TWNK: variants seen among roughly 807,000 people sequenced by gnomAD.
TWNK encodes the protein T7 gp4-like protein with intramitochondrial nucleoid localization.
Under a neutral mutation model 58.2 loss-of-function variants are expected in TWNK, and 36 were observed. That is an observed-to-expected ratio of 0.62 (90% confidence interval 0.47 to 0.82). The LOEUF is 0.82. Among genes scored for constraint, TWNK ranks in the 40% least tolerant of loss-of-function variants. The probability of loss-of-function intolerance (pLI) is 0.00; values close to 1 mark genes in which losing one functional copy is unlikely to be tolerated. For synonymous variants in TWNK, 349 were observed against 348.5 expected, an observed-to-expected ratio of 1.00 and a Z score of -0.02; for missense variants, 714 against 881.0, an observed-to-expected ratio of 0.81 and a Z score of 2.40.
rs1420378919 is a variant in TWNK at position 100,988,895 on chromosome 10, G to T, written c.685G>T (p.Asp229Tyr). 1 of 1,614,100 alleles carries T rather than the reference G, an allele frequency of 6.2e-7. No individual in the cohort carries two copies. The highest frequency in any genetic ancestry group is 1.3e-5 in the African/African-American group (1 of 74,932). Residue 229 changes from aspartate to tyrosine, a missense_variant, in exon 1 of 5, where the codon GAT (aspartate) becomes TAT (tyrosine). Around this residue, in one of 3 missense-constraint regions of TWNK, gnomAD observed 348 missense variants for 388.4 expected, o/e 0.90. Coordinates refer to ENST00000311916, the MANE Select transcript of TWNK (RefSeq NM_021830.5). This position sits in a 1 kb window ranked among gnomAD's most constrained non-coding sequence, Gnocchi z 5.2. ...GCTCCTAGAGGCTAAATGCCAGGGG[G>T]ATGGAGTGAGCTACGAGGAAACCAC... ...LKLLEAKCQGDGVSYEETTIP... is the reference protein window; with the variant it reads ...LKLLEAKCQGYGVSYEETTIP...
chr10:100,991,212 G>A (rs1851764078), intron 4 of TWNK: 1 of 701,958 alleles, frequency 1.4e-6, no homozygotes, highest in East Asian at 2.7e-5. Flanking sequence ...TTGTCCCCCA[G>A]GAGCTCACAT....
chr10:100,993,702 G>C lies in TWNK; in HGVS notation c.*192G>C. On this transcript the variant is annotated 3_prime_UTR_variant, in exon 5 of 5. Coordinates refer to ENST00000311916, the MANE Select transcript of TWNK (RefSeq NM_021830.5). ...ACTGAGAAACTACTGTGTTGCTCAG[G>C]CTTTGTTTGAGGTCCTGTATATACA... 1 of 657,796 alleles carries C rather than the reference G, an allele frequency of 1.5e-6. No individual in the cohort carries two copies. The highest frequency in any genetic ancestry group is 1.9e-5 in the South Asian group (1 of 53,670). 40.7% of individuals were successfully genotyped at this position (657,796 alleles called of 1,614,324 possible). A position where few individuals can be genotyped will look rare whatever the true frequency, so the allele number is the denominator to read the frequency against.
rs200335475 is a variant in TWNK at position 100,993,516 on chromosome 10, G to A, written c.*6G>A. ...CCTCCAAGCGTTCAAAGTGAAGGCCGTGCAGAGCTGGTCACTGAAATGAGC... is the reference window on the plus strand; with the variant it reads ...CCTCCAAGCGTTCAAAGTGAAGGCCATGCAGAGCTGGTCACTGAAATGAGC... On this transcript the variant is annotated 3_prime_UTR_variant, in exon 5 of 5. Transcript: ENST00000311916. 40 of 1,613,980 alleles carry A rather than the reference G, an allele frequency of 2.5e-5. No individual in the cohort carries two copies. Among genetic ancestry groups the A allele is most frequent in the Admixed American group, 2.0e-4 (12 of 60,018 alleles).
chr10:100,989,166 AGTT>A lies in TWNK; in HGVS notation c.960_962del (p.Leu320del). On this transcript the variant is annotated inframe_deletion, in exon 1 of 5. Coordinates refer to ENST00000311916, the MANE Select transcript of TWNK (RefSeq NM_021830.5). This position sits in a 1 kb window ranked among gnomAD's most constrained non-coding sequence, Gnocchi z 7.6. ...GACCTTCGGTCCTGGGAAGCCGCCA[AGTT>A]GTTTGCACGAAAACTGAACCCCAAA... 1 of 1,612,760 alleles carries A rather than the reference AGTT, an allele frequency of 6.2e-7. No individual in the cohort carries two copies. Among genetic ancestry groups the A allele is most frequent in the Non-Finnish European group, 8.5e-7 (1 of 1,178,898 alleles).
In TWNK at chr10:100,987,621, G is replaced by T; in HGVS notation, c.-590G>T. ...GTGGGAGAGAGAAAAGTGGTAACCT[G>T]GGGCTGGGGGCCGGCGCGGCGGAGC... On this transcript the variant is annotated 5_prime_UTR_variant, in exon 1 of 5. Coordinates refer to ENST00000311916, the MANE Select transcript of TWNK (RefSeq NM_021830.5). 3 of 902,306 alleles carry T rather than the reference G, an allele frequency of 3.3e-6. No homozygotes were observed. The highest frequency in any genetic ancestry group is 3.3e-6 in the Non-Finnish European group (2 of 613,210). 55.9% of individuals were successfully genotyped at this position (902,306 alleles called of 1,614,324 possible). A position where few individuals can be genotyped will look rare whatever the true frequency, so the allele number is the denominator to read the frequency against.
chr10:100,993,142 T>C (rs1590024699), intron 4 of TWNK, 48 bp from the exon 5 acceptor site: 1 of 1,598,662 alleles, frequency 6.3e-7, no homozygotes, highest in Non-Finnish European at 8.6e-7. Context: ...TCTGCTTTGC[T>C]CATGTCCTCT....
chr10:100,990,121 T>C (rs763609131), intron 2 of TWNK, among the ~76,000 whole-genome samples: 16 of 152,086 alleles, frequency 1.1e-4, no homozygotes, highest in Non-Finnish European at 1.9e-4. Context: ...CTGGGCAATA[T>C]AGGGAGACCA....
At chr10:100,990,406 T>G (rs1434612822) in intron 2 of TWNK, 30 bp from the exon 3 acceptor site, 15 of 1,568,254 alleles carry the variant, frequency 9.6e-6, no homozygotes, top group Non-Finnish European at 1.2e-5. Context: ...AGAGACAACT[T>G]GTCAAATTCC....
chr10:100,988,245 G>T lies in TWNK; in HGVS notation c.35G>T (p.Arg12Leu). Residue 12 changes from arginine to leucine, a missense_variant, in exon 1 of 5, where the codon CGT (arginine) becomes CTT (leucine). Physicochemically the swap from Arg to Leu is moderately radical, Grantham distance 102. Around this residue, in one of 3 missense-constraint regions of TWNK, gnomAD observed 348 missense variants for 388.4 expected, o/e 0.90. Coordinates refer to ENST00000311916, the MANE Select transcript of TWNK (RefSeq NM_021830.5). The surrounding 1 kb of genome is among the most constrained non-coding windows in gnomAD (Gnocchi z 5.2). ...WVLLRSGYPL[R>L]ILLPLRGEWM... is the part of the protein sequence containing the mutation. Reference sequence around the variant, plus strand: ...CTCCTCCGAAGTGGGTACCCCCTCCGTATCTTGTTACCCCTGCGTGGGGAG... The same window carrying T: ...CTCCTCCGAAGTGGGTACCCCCTCCTTATCTTGTTACCCCTGCGTGGGGAG... 1 of 1,614,164 alleles carries T rather than the reference G, an allele frequency of 6.2e-7. No homozygotes were observed. Among genetic ancestry groups the T allele is most frequent in the Non-Finnish European group, 8.5e-7 (1 of 1,180,040 alleles).
chr10:100,992,488 T>C (rs1300743145), intron 4 of TWNK, among the ~76,000 whole-genome samples: 2 of 138,148 alleles, frequency 1.4e-5, no homozygotes, highest in Non-Finnish European at 3.0e-5. Flanking sequence ...GTGCTGGGAT[T>C]ACAGGCGTGA....
chr10:100,988,943 C>T lies in TWNK; in HGVS notation c.733C>T (p.His245Tyr), dbSNP rs1296965467. 3.1e-6 allele frequency: 5 copies of T among 1,614,056 alleles called. No homozygotes were observed. In the Admixed American group the frequency reaches 8.3e-5, roughly 27 times the overall value. Residue 245 changes from histidine (H) to tyrosine (Y), a missense_variant, in exon 1 of 5, where the codon CAC becomes TAC. Physicochemically the swap from His to Tyr is moderately conservative, Grantham distance 83. This residue lies in a region of TWNK where 348 missense variants were observed against 388.4 expected (regional missense o/e 0.90). Transcript: ENST00000311916. This position sits in a 1 kb window ranked among gnomAD's most constrained non-coding sequence, Gnocchi z 5.2. ...CACTATTCCCCGACCCAGCGCCTAC[C>T]ACAATCTGTTTGGATTACCACTGAT... ...ETTIPRPSAYHNLFGLPLISR... is the reference protein window; with the variant it reads ...ETTIPRPSAYYNLFGLPLISR...
chr10:100,990,447 A>G lies in TWNK; in HGVS notation c.1496A>G (p.Asp499Gly), dbSNP rs780448299. The G allele has an allele frequency of 1.9e-6, 3 of 1,613,784 alleles. No individual in the cohort carries two copies. In the South Asian group the frequency reaches 3.3e-5, roughly 18 times the overall value. Reference sequence around the variant, plus strand: ...TTTCCTCTTCCCAGGACTGTAATAGATACAATGCAACATGCAGTCTACGTC... The same window carrying G: ...TTTCCTCTTCCCAGGACTGTAATAGGTACAATGCAACATGCAGTCTACGTC... ...HGQQSIRTVIDTMQHAVYVYD... is the reference protein window; with the variant it reads ...HGQQSIRTVIGTMQHAVYVYD... The change falls in exon 3 of 5, where the codon GAT (aspartate) becomes GGT (glycine). Residue 499 changes from aspartate to glycine, a missense_variant. Transcript: ENST00000311916.
At chr10:100,992,277 G>A (rs1444253282) in intron 4 of TWNK, among the ~76,000 whole-genome samples, 3 of 131,624 alleles carry the variant, frequency 2.3e-5, no homozygotes, top group Non-Finnish European at 4.7e-5. Flanking sequence ...GCAGTGGCGC[G>A]ATCTCGGCTC....
intron 4 of TWNK, among the ~76,000 whole-genome samples, chr10:100,991,702 C>T (rs1851777955): frequency 6.6e-6 from 1 of 151,974 alleles, no homozygotes; most frequent in East Asian, 1.9e-4. Context: ...TGTAGTGAGA[C>T]CCTGTCTCTA....
chr10:100,993,419 G>A lies in TWNK; in HGVS notation c.1964G>A (p.Gly655Asp), dbSNP rs762436636. 2 of 1,614,024 alleles carry A rather than the reference G, an allele frequency of 1.2e-6. No individual in the cohort carries two copies. Among genetic ancestry groups the A allele is most frequent in the African/African-American group, 2.7e-5 (2 of 74,906 alleles). Residue 655 changes from glycine (G) to aspartate (D), a missense_variant, in exon 5 of 5, where the codon GGC (glycine) becomes GAC (aspartate). Gly to Asp is a moderately conservative substitution (Grantham distance 94). Transcript: ENST00000311916. ...TGPVAKKPSS[G>D]KKGATTQNSE... ...CCAGTGGCCAAAAAGCCCTCTTCTGGCAAAAAGGGGGCTACGACACAGAAC... is the reference window on the plus strand; with the variant it reads ...CCAGTGGCCAAAAAGCCCTCTTCTGACAAAAAGGGGGCTACGACACAGAAC...
chr10:100,993,333 C>T lies in TWNK; in HGVS notation c.1878C>T (p.Leu626=). 6.2e-7 allele frequency: 1 copy of T among 1,614,240 alleles called. No individual in the cohort carries two copies. Among genetic ancestry groups the T allele is most frequent in the Non-Finnish European group, 8.5e-7 (1 of 1,180,048 alleles). ...CGCTTGAGTTCAACAAGAACTCCCT[C>T]ACCTTCTCCATTCCACCAAAGAACA... ...VFPLEFNKNS[L]TFSIPPKNKA... is the part of the protein sequence containing the mutation. Residue 626 remains leucine, a synonymous_variant, in exon 5 of 5, where the codon CTC becomes CTT. Coordinates refer to ENST00000311916, the MANE Select transcript of TWNK (RefSeq NM_021830.5).
chr10:100,993,346 C>T lies in TWNK; in HGVS notation c.1891C>T (p.Pro631Ser). The stretch of plus-strand genomic sequence containing the variant: ...CAAGAACTCCCTCACCTTCTCCATT[C>T]CACCAAAGAACAAGGCCCGGCTCAA... ...FNKNSLTFSI[P>S]PKNKARLKKI... Residue 631 changes from proline (P) to serine (S), a missense_variant, in exon 5 of 5, where the codon CCA (proline) becomes TCA (serine). Pro to Ser is a moderately conservative substitution (Grantham distance 74, BLOSUM62 -1). Transcript: ENST00000311916. 2 of 1,614,220 alleles carry T rather than the reference C, an allele frequency of 1.2e-6. No homozygotes were observed. The highest frequency in any genetic ancestry group is 3.3e-5 in the Admixed American group (2 of 60,022).
Position 100,988,294 on chromosome 10 carries a change from C to G in TWNK, c.84C>G (p.Pro28=), listed in dbSNP as rs1215963512. 2 of 1,614,202 alleles carry G rather than the reference C, an allele frequency of 1.2e-6. No individual in the cohort carries two copies. Among genetic ancestry groups the G allele is most frequent in the Admixed American group, 3.3e-5 (2 of 60,032 alleles). ...AGTGGATGGGTCGGAGGGGCCTGCC[C>G]CGAAACTTGGCCCCAGGCCCTCCTC... The part of the protein sequence containing the change: ...RGEWMGRRGL[P]RNLAPGPPRR... The change falls in exon 1 of 5, where the codon CCC becomes CCG. Residue 28 remains proline, a synonymous_variant. Coordinates refer to ENST00000311916, the MANE Select transcript of TWNK (RefSeq NM_021830.5). The surrounding 1 kb of genome is among the most constrained non-coding windows in gnomAD (Gnocchi z 5.2).
In TWNK at chr10:100,988,090, T is replaced by G. The variant is rs1851627140; in HGVS notation, c.-121T>G. 6 of 1,128,058 alleles carry G rather than the reference T, an allele frequency of 5.3e-6. No homozygotes were observed. The highest frequency in any genetic ancestry group is 8.1e-6 in the Non-Finnish European group (6 of 742,134). The allele number at this position is 1,128,058 out of a possible 1,614,324, so 69.9% of individuals were successfully genotyped here. ...AGGAGAAATTCATGGAGAGAAAGAA[T>G]GCACCTAGAGTGAGCTCTGCAGAGT... On this transcript the variant is annotated 5_prime_UTR_variant, in exon 1 of 5. An upstream start codon of the reference 5' UTR is lost. Coordinates refer to ENST00000311916, the MANE Select transcript of TWNK (RefSeq NM_021830.5). This position sits in a 1 kb window ranked among gnomAD's most constrained non-coding sequence, Gnocchi z 5.2.
Sources: allele counts gnomAD v4.1 joint callset (sites outside exome capture counted in the v4.1 genomes callset), GRCh38; gene constraint gnomAD v4.1.1; regional missense constraint gnomAD v4.1.1; non-coding constraint Gnocchi (gnomAD v3.1); transcripts MANE v1.5; gene names NCBI Gene and HGNC (gene_info 2026-07-23, HGNC 2026-07-21).